Variants in CRYM observed in about 807,000 individuals in gnomAD.
CRYM encodes the protein crystallin mu.
A neutral mutation model predicts 32.9 loss-of-function variants in CRYM; 18 were observed. The ratio of observed to expected loss-of-function variants is 0.55; its 90% CI spans 0.38 to 0.81. The LOEUF (loss-of-function observed/expected upper bound fraction) is 0.81. Ranked by LOEUF, CRYM falls within the 30% of genes least tolerant of loss-of-function variation. The pLI, the probability that CRYM is intolerant of heterozygous loss-of-function variation, is 0.00. For missense variants in CRYM, 337 were observed against 393.5 expected, an observed-to-expected ratio of 0.86 and a Z score of 1.21; for synonymous variants, 153 against 152.4, an observed-to-expected ratio of 1.00 and a Z score of -0.03.
At chr16:21,298,278 A>C (rs1390968204) in intron 1 of CRYM, among the ~76,000 whole-genome samples, 3 of 152,250 alleles carry the variant, frequency 2.0e-5, no homozygotes, top group Admixed American at 1.3e-4. Context: ...TGACCCAAAA[A>C]TTCTACCTTT....
In CRYM at chr16:21,269,845, C is replaced by G. The variant is rs1192751059; in HGVS notation, c.434G>C (p.Gly145Ala). The G allele has an allele frequency of 1.2e-5, 20 of 1,612,876 alleles. No homozygotes were observed. Among genetic ancestry groups the G allele is most frequent in the Non-Finnish European group, 4.2e-6 (5 of 1,179,714 alleles). Reference sequence around the variant, plus strand: ...CTCATAATGGCTGTAGGCCTGGACCCCAGCCCCAAGGATGCACAGCACTTC... The same window carrying G: ...CTCATAATGGCTGTAGGCCTGGACCGCAGCCCCAAGGATGCACAGCACTTC... ...SSEVLCILGA[G>A]VQAYSHYEIF... The change falls in exon 4 of 8, where the codon GGG (glycine) becomes GCG (alanine). Residue 145 changes from glycine to alanine, a missense_variant. By Grantham distance (60) the Gly-to-Ala change is moderately conservative. Transcript: ENST00000572914.
intron 1 of CRYM, among the ~76,000 whole-genome samples, chr16:21,286,873 G>C (rs1332096664): frequency 6.6e-6 from 1 of 152,066 alleles, no homozygotes; most frequent in Non-Finnish European, 1.5e-5. Context: ...GGTGGATCAT[G>C]AGGTCAGGAG....
chr16:21,299,527 C>T (rs1264532960), intron 1 of CRYM, among the ~76,000 whole-genome samples: 1 of 152,154 alleles, frequency 6.6e-6, no homozygotes, highest in South Asian at 2.1e-4. Context: ...CCAGGCTGGT[C>T]CCAAACTCCT....
In CRYM at chr16:21,287,242, A is replaced by G. The variant is rs528476698; in HGVS notation, c.-192-8282T>C. The stretch of plus-strand genomic sequence containing the variant: ...TTCATTTACTCAAAGTGATAATTCA[A>G]AGATTTCAAATAGAAAAGCCTTTAC... On this transcript the variant is annotated intron_variant, in intron 1 of 9. Coordinates refer to the CRYM transcript ENST00000219599. Among the ~76,000 whole-genome samples, 22 of 152,342 alleles carry G rather than the reference A, an allele frequency of 1.4e-4. No individual in the cohort carries two copies. The South Asian group carries it at 4.6e-3, about 32-fold the overall frequency.
Position 21,277,988 on chromosome 16 carries a change from C to A in CRYM, c.170+94G>T, listed in dbSNP as rs536997622. 10 of 1,375,248 alleles carry A rather than the reference C, an allele frequency of 7.3e-6. No individual in the cohort carries two copies. The South Asian group carries it at 1.4e-4, about 19-fold the overall frequency. 85.2% of individuals were successfully genotyped at this position (1,375,248 alleles called of 1,614,324 possible). A position where few individuals can be genotyped will look rare whatever the true frequency, so the allele number is the denominator to read the frequency against. On this transcript the variant is annotated intron_variant, in intron 1 of 7. Transcript: ENST00000572914. The surrounding 1 kb of genome is among the most constrained non-coding windows in gnomAD (Gnocchi z 4.2). ...CAGCTGTTAGCAACGGTTAGGCAAG[C>A]CGTCTCTTCCCTTCTCCCACCCCTC...
chr16:21,268,448 G>A (rs755966680), intron 4 of CRYM: 5 of 152,204 alleles, frequency 3.3e-5, no homozygotes, highest in East Asian at 1.9e-4. Flanking sequence ...GGGACTTGCC[G>A]ACTTGCTTGA....
At chr16:21,287,675 T>C (rs542507692) in intron 1 of CRYM, among the ~76,000 whole-genome samples, 2 of 152,282 alleles carry the variant, frequency 1.3e-5, no homozygotes, top group African/African-American at 2.4e-5. Context: ...TGATACAAAC[T>C]CTTGAACAAT....
At chr16:21,273,116 T>A (rs1241519634) in intron 3 of CRYM, among the ~76,000 whole-genome samples, 1 of 152,144 alleles carries the variant, frequency 6.6e-6, no homozygotes, top group African/African-American at 2.4e-5. Flanking sequence ...AATAAATGTA[T>A]GTTAGTGCTA....
At chr16:21,264,457 G>A (rs1342614915) in intron 5 of CRYM, among the ~76,000 whole-genome samples, 1 of 152,168 alleles carries the variant, frequency 6.6e-6, no homozygotes, top group African/African-American at 2.4e-5. Flanking sequence ...GTTGTGATGG[G>A]GCTAAATGAG....
chr16:21,285,496 T>C (rs2152864240), intron 1 of CRYM, among the ~76,000 whole-genome samples: 1 of 152,324 alleles, frequency 6.6e-6, no homozygotes, highest in Middle Eastern at 3.4e-3. Flanking sequence ...GGGAACTGTG[T>C]AGACAAGGAA....
At chr16:21,273,951 T>C (rs1180428081) in intron 3 of CRYM, among the ~76,000 whole-genome samples, 1 of 152,214 alleles carries the variant, frequency 6.6e-6, no homozygotes, top group Non-Finnish European at 1.5e-5. Context: ...GCTGTTGGTC[T>C]ACTCCCTTCG....
intron 7 of CRYM, among the ~76,000 whole-genome samples, chr16:21,259,944 C>T (rs1271776057): frequency 6.6e-6 from 1 of 152,224 alleles, no homozygotes; most frequent in African/African-American, 2.4e-5. Context: ...TAAGTAAGGG[C>T]TGGCTGACCT....
intron 1 of CRYM, among the ~76,000 whole-genome samples, chr16:21,286,208 G>C (rs1328913869): frequency 6.7e-6 from 1 of 148,232 alleles, no homozygotes; most frequent in African/African-American, 2.5e-5. Flanking sequence ...AATAGACATA[G>C]TTAAAGACAG....
chr16:21,284,883 A>G (rs1177710668), intron 1 of CRYM, among the ~76,000 whole-genome samples: 1 of 152,224 alleles, frequency 6.6e-6, no homozygotes, highest in African/African-American at 2.4e-5. Flanking sequence ...ACAAATTTAC[A>G]TTCCCACCAA....
At chr16:21,302,401 G>T (rs551016461) in intron 1 of CRYM, among the ~76,000 whole-genome samples, 1 of 152,340 alleles carries the variant, frequency 6.6e-6, no homozygotes, top group South Asian at 2.1e-4. Context: ...GAAGTTCAGT[G>T]ATTATAGGTA....
upstream of CRYM, among the ~76,000 whole-genome samples, chr16:21,283,206 G>A (rs1429667835): frequency 2.6e-5 from 4 of 152,040 alleles, no homozygotes; most frequent in African/African-American, 9.7e-5. Context: ...ATGGCAGCAG[G>A]GTAGAGCTGT....
intron 1 of CRYM, among the ~76,000 whole-genome samples, chr16:21,286,372 C>A (rs897702108): frequency 6.6e-6 from 1 of 151,894 alleles, no homozygotes; most frequent in Non-Finnish European, 1.5e-5. Context: ...CGCCGGCCAC[C>A]ACGCCCAGCT....
Position 21,262,065 on chromosome 16 carries a change from T to C in CRYM, c.767A>G (p.Lys256Arg), listed in dbSNP as rs1295615539. The stretch of plus-strand genomic sequence containing the variant: ...TGACAGCAGGACATCTCCAGACTCC[T>C]TCAGGGCAGCCTCCTGGGAATCCAC... ...LYVDSQEAAL[K>R]ESGDVLLSGA... The change falls in exon 6 of 8, where the codon AAG becomes AGG. Residue 256 changes from lysine (K) to arginine (R), a missense_variant. By Grantham distance (26) the Lys-to-Arg change is conservative (BLOSUM62 2). Transcript: ENST00000572914. 3.7e-6 allele frequency: 6 copies of C among 1,613,950 alleles called. No individual in the cohort carries two copies. The highest frequency in any genetic ancestry group is 5.1e-6 in the Non-Finnish European group (6 of 1,179,978).
intron 1 of CRYM, among the ~76,000 whole-genome samples, chr16:21,293,913 T>C (rs1165901655): frequency 6.6e-6 from 1 of 152,206 alleles, no homozygotes; most frequent in Non-Finnish European, 1.5e-5. Context: ...AATACTTCAA[T>C]TGATGAAAAT....
Sources: gnomAD v4.1 joint callset for allele counts (sites outside exome capture counted in the v4.1 genomes callset) on GRCh38, gnomAD v4.1.1 for gene constraint, Gnocchi (gnomAD v3.1) non-coding constraint, MANE v1.5 for transcripts, NCBI Gene and HGNC (gene_info 2026-07-23, HGNC 2026-07-21) for gene names.